Variants in SERTM1 observed in about 807,000 individuals in gnomAD.
SERTM1 encodes the protein serine rich and transmembrane domain containing 1.
In SERTM1, 1 loss-of-function variant was observed where a neutral mutation model predicts 5.5. That is an observed-to-expected ratio of 0.18 (90% CI 0.06 to 0.86). The LOEUF (loss-of-function observed/expected upper bound fraction) is 0.86, where lower values mean the gene tolerates loss of function less well. Among genes scored for constraint, SERTM1 ranks in the 40% least tolerant of loss-of-function variants. SERTM1 has a pLI of 0.69. For missense variants in SERTM1, 91 were observed against 122.4 expected, an observed-to-expected ratio of 0.74 and a Z score of 1.21; for synonymous variants, 52 against 55.1, an observed-to-expected ratio of 0.94 and a Z score of 0.25.
At chr13:36,692,074 C>T (rs781756206) in intron 1 of SERTM1, among the ~76,000 whole-genome samples, 7 of 152,124 alleles carry the variant, frequency 4.6e-5, no homozygotes, top group Non-Finnish European at 8.8e-5. Flanking sequence ...AGAAGTACCC[C>T]GGAAATGGTA....
At chr13:36,675,210 G>GT (rs2138081056) in intron 1 of SERTM1, among the ~76,000 whole-genome samples, 1 of 144,728 alleles carries the variant, frequency 6.9e-6, no homozygotes, top group African/African-American at 2.6e-5. Context: ...TTCTGCTAAA[G>GT]TAAGTACTTC....
rs1433800545 is a variant in SERTM1 at position 36,694,964 on chromosome 13, A to C, written c.-115A>C. 16 of 741,846 alleles carry C rather than the reference A, an allele frequency of 2.2e-5. No homozygotes were observed. In the Admixed American group the frequency reaches 3.3e-4, roughly 15 times the overall value. The allele number at this position is 741,846 out of a possible 1,614,324, so 46.0% of individuals were successfully genotyped here. On this transcript the variant is annotated 5_prime_UTR_variant, in exon 2 of 2. Transcript: ENST00000315190. ...GAAACAAGTTTTGTTGTGCTGATTT[A>C]ACAGCCTGTGAATTCTGCAAACACG... is the stretch of plus-strand genomic sequence containing the variant.
Position 36,697,316 on chromosome 13 carries a change from T to TATAC in SERTM1, c.*1917_*1918insCATA, listed in dbSNP as rs1418810989. ...GCACACACACACACACACATAAATA[T>TATAC]ATATATATATATATATATATAAACT... On this transcript the variant is annotated 3_prime_UTR_variant, in exon 2 of 2. Coordinates refer to ENST00000315190, the MANE Select transcript of SERTM1 (RefSeq NM_203451.3). 1 of 151,872 alleles carries TATAC rather than the reference T, an allele frequency of 6.6e-6. No homozygotes were observed. The highest frequency in any genetic ancestry group is 1.5e-5 in the Non-Finnish European group (1 of 64,760). 9.4% of individuals were successfully genotyped at this position (151,872 alleles called of 1,614,324 possible).
chr13:36,685,629 C>T (rs1388447161), intron 1 of SERTM1, among the ~76,000 whole-genome samples: 2 of 152,144 alleles, frequency 1.3e-5, no homozygotes, highest in African/African-American at 4.8e-5. Flanking sequence ...GCCCCTATGA[C>T]AAAAGACTCT....
At position 36,697,129 on chromosome 13, in the gene SERTM1, T is replaced by A. The variant is rs1172461003; in HGVS notation, c.*1727T>A. 1 of 166,944 alleles carries A rather than the reference T, an allele frequency of 6.0e-6. No individual in the cohort carries two copies. The highest frequency in any genetic ancestry group is 1.9e-4 in the East Asian group (1 of 5,200). 10.3% of individuals were successfully genotyped at this position (166,944 alleles called of 1,614,324 possible). A position where few individuals can be genotyped will look rare whatever the true frequency, so the allele number is the denominator to read the frequency against. On this transcript the variant is annotated 3_prime_UTR_variant, in exon 2 of 2. Coordinates refer to ENST00000315190, the MANE Select transcript of SERTM1 (RefSeq NM_203451.3). ...CACCATAAGACCAGCACAGAGTTGC[T>A]GCCCTAAAATGTATAATTAGTGAAA...
intron 1 of SERTM1, among the ~76,000 whole-genome samples, chr13:36,692,586 C>A (rs557154549): frequency 4.6e-5 from 7 of 152,326 alleles, no homozygotes; most frequent in Non-Finnish European, 8.8e-5. Flanking sequence ...TATCTACTGG[C>A]ACTTTACTTG....
Position 36,695,752 on chromosome 13 carries a change from C to G in SERTM1, c.*350C>G, listed in dbSNP as rs2056809640. The G allele has an allele frequency of 4.4e-6, 1 of 229,876 alleles. No individual in the cohort carries two copies. The highest frequency in any genetic ancestry group is 9.1e-6 in the Non-Finnish European group (1 of 109,752). 14.2% of individuals were successfully genotyped at this position (229,876 alleles called of 1,614,324 possible). On this transcript the variant is annotated 3_prime_UTR_variant, in exon 2 of 2. Transcript: ENST00000315190. Reference sequence around the variant, plus strand: ...CTGGACATGGACTCGCACTTCATTTCTTTTACAAAGCCGTGAAATCAACTG... The same window carrying G: ...CTGGACATGGACTCGCACTTCATTTGTTTTACAAAGCCGTGAAATCAACTG...
rs973952233 is a variant in SERTM1, at chr13:36,695,519, TCTC to T, written c.*120_*122del. On this transcript the variant is annotated 3_prime_UTR_variant, in exon 2 of 2. Transcript: ENST00000315190. Reference sequence around the variant, plus strand: ...CTTTTGGTGTAGACCTGCTTCTCCTTCTCCTTTTTCTCTGATTTCTTTTCTGTT... The same window carrying T: ...CTTTTGGTGTAGACCTGCTTCTCCTTCTTTTTCTCTGATTTCTTTTCTGTT... The T allele has an allele frequency of 1.7e-5, 12 of 708,952 alleles. No individual in the cohort carries two copies. The highest frequency in any genetic ancestry group is 2.6e-5 in the Non-Finnish European group (11 of 416,124). The allele number at this position is 708,952 out of a possible 1,614,324, so 43.9% of individuals were successfully genotyped here.
At chr13:36,678,935 G>A (rs1002529611) in intron 1 of SERTM1, among the ~76,000 whole-genome samples, 12 of 151,912 alleles carry the variant, frequency 7.9e-5, no homozygotes, top group African/African-American at 2.7e-4. Context: ...GAAAAGAGAA[G>A]CATTCAAATA....
intron 1 of SERTM1, among the ~76,000 whole-genome samples, chr13:36,689,653 C>T (rs2056765350): frequency 6.6e-6 from 1 of 150,734 alleles, no homozygotes; most frequent in African/African-American, 2.4e-5. Context: ...AAGTTCATAT[C>T]CTTTTTTGAA....
intron 1 of SERTM1, among the ~76,000 whole-genome samples, chr13:36,682,847 A>G (rs2056714296): frequency 6.6e-6 from 1 of 152,158 alleles, no homozygotes; most frequent in Non-Finnish European, 1.5e-5. Flanking sequence ...TATTTGTTCA[A>G]TGTATGATTG....
intron 1 of SERTM1, among the ~76,000 whole-genome samples, chr13:36,678,695 A>ATATATATAT (rs1395603891): frequency 8.8e-5 from 13 of 147,528 alleles, no homozygotes; most frequent in South Asian, 6.4e-4. Flanking sequence ...ATATATATAT[A>ATATATATAT]AAATATAGTC....
At chr13:36,692,459 C>T (rs1382582241) in intron 1 of SERTM1, among the ~76,000 whole-genome samples, 1 of 152,204 alleles carries the variant, frequency 6.6e-6, no homozygotes, top group African/African-American at 2.4e-5. Context: ...ATGATACAGA[C>T]TTGGGTAGCA....
chr13:36,683,453 G>A (rs142808905), intron 1 of SERTM1, among the ~76,000 whole-genome samples: 1 of 152,262 alleles, frequency 6.6e-6, no homozygotes, highest in Non-Finnish European at 1.5e-5. Context: ...TCAAAGTATA[G>A]TGAGACCTTA....
intron 1 of SERTM1, among the ~76,000 whole-genome samples, chr13:36,678,909 G>A (rs1197983956): frequency 6.6e-6 from 1 of 151,732 alleles, no homozygotes; most frequent in Non-Finnish European, 1.5e-5. Flanking sequence ...ATCCTATAAT[G>A]CTACCTGGTT....
At chr13:36,691,451 T>G (rs1291569653) in intron 1 of SERTM1, among the ~76,000 whole-genome samples, 3 of 152,122 alleles carry the variant, frequency 2.0e-5, no homozygotes, top group South Asian at 2.1e-4. Context: ...CTCACTTCAC[T>G]AGGGGACTGC....
intron 1 of SERTM1, among the ~76,000 whole-genome samples, chr13:36,691,363 G>A (rs368475034): frequency 1.2e-4 from 18 of 152,286 alleles, no homozygotes; most frequent in African/African-American, 3.9e-4. Context: ...AGAGACCCCA[G>A]GTGTGCGCTG....
chr13:36,686,620 A>G (rs538295063), intron 1 of SERTM1, among the ~76,000 whole-genome samples: 3 of 152,306 alleles, frequency 2.0e-5, no homozygotes, highest in African/African-American at 7.2e-5. Flanking sequence ...GTTGCTGATA[A>G]TATGAAGCTT....
chr13:36,676,473 TGAAG>T (rs1467464865), intron 1 of SERTM1, among the ~76,000 whole-genome samples: 1 of 152,148 alleles, frequency 6.6e-6, no homozygotes, highest in African/African-American at 2.4e-5. Flanking sequence ...TTAGTTATAA[TGAAG>T]AAGTGAAAAA....
Sources: gnomAD v4.1 joint callset for allele counts (sites outside exome capture counted in the v4.1 genomes callset) on GRCh38, gnomAD v4.1.1 for gene constraint, MANE v1.5 for transcripts, NCBI Gene and HGNC (gene_info 2026-07-23, HGNC 2026-07-21) for gene names.